The following MTCL2 variants were observed in gnomAD, a reference collection of about 807,000 sequenced individuals.
MTCL2 encodes microtubule cross-linking factor 2.
chr20:36,808,427 G>T, the MTCL2 span: 2 of 1,102,488 alleles, frequency 1.8e-6, no homozygotes, highest in Non-Finnish European at 1.3e-6. Context: ...GAGCCTAGGA[G>T]TTGTGTCAAT....
At chr20:36,792,372 GGTGGCA>G in the MTCL2 span, among the ~76,000 whole-genome samples, 1 of 152,150 alleles carries the variant, frequency 6.6e-6, no homozygotes, top group Non-Finnish European at 1.5e-5. Flanking sequence ...AGCCGGGCAT[GGTGGCA>G]GGTGCCTTAA....
the MTCL2 span, among the ~76,000 whole-genome samples, chr20:36,851,130 C>T: frequency 6.6e-6 from 1 of 151,918 alleles, no homozygotes; most frequent in African/African-American, 2.4e-5. Context: ...GTGGTGGTGG[C>T]TACAGAACTG....
the MTCL2 span, among the ~76,000 whole-genome samples, chr20:36,818,160 T>C: frequency 6.6e-6 from 1 of 152,234 alleles, no homozygotes; most frequent in Non-Finnish European, 1.5e-5. Flanking sequence ...TGTGGTGTTG[T>C]TCCCAAGGAG....
At chr20:36,799,751 A>ATAACAC in the MTCL2 span, among the ~76,000 whole-genome samples, 2 of 152,102 alleles carry the variant, frequency 1.3e-5, no homozygotes, top group African/African-American at 4.8e-5. Context: ...AAGGAGGGAA[A>ATAACAC]TAACACTAAC....
At chr20:36,846,882 T>C in the MTCL2 span, among the ~76,000 whole-genome samples, 2 of 152,138 alleles carry the variant, frequency 1.3e-5, no homozygotes, top group Non-Finnish European at 2.9e-5. Context: ...TGGTGGCGTG[T>C]GCCTGTAATC....
the MTCL2 span, among the ~76,000 whole-genome samples, chr20:36,846,908 G>A: frequency 6.6e-6 from 1 of 152,186 alleles, no homozygotes; most frequent in Non-Finnish European, 1.5e-5. Context: ...TACTCGGGAG[G>A]CTGAGGCAGG....
the MTCL2 span, among the ~76,000 whole-genome samples, chr20:36,788,560 C>T: frequency 1.6e-4 from 25 of 152,154 alleles, no homozygotes; most frequent in Non-Finnish European, 3.5e-4. Context: ...ATGGCGTGAA[C>T]CTGGGAGGCG....
the MTCL2 span, among the ~76,000 whole-genome samples, chr20:36,840,708 T>C: frequency 1.3e-5 from 2 of 151,544 alleles, no homozygotes; most frequent in Non-Finnish European, 2.9e-5. Context: ...TAGCTGGGCA[T>C]GGTGGCGGGT....
the MTCL2 span, chr20:36,786,025 A>G: frequency 1.0e-6 from 1 of 986,334 alleles, no homozygotes; most frequent in Non-Finnish European, 1.2e-6. Context: ...CCTAGAGCAA[A>G]GCCTGTTCTT....
the MTCL2 span, among the ~76,000 whole-genome samples, chr20:36,810,706 T>TTCTCTCTCTCCCTCTC: frequency 3.3e-5 from 2 of 60,998 alleles, no homozygotes; most frequent in Admixed American, 1.5e-4. Flanking sequence ...CCTCCCCTCC[T>TTCTCTCTCTCCCTCTC]TCTCTCTCTC....
the MTCL2 span, among the ~76,000 whole-genome samples, chr20:36,841,155 CAAAAAAAAAAAA>C: frequency 3.7e-4 from 15 of 40,352 alleles, no homozygotes; most frequent in East Asian, 4.2e-3. Context: ...ACTAAAAATA[CAAAAAAAAAAAA>C]AAAAAAAAAA....
At chr20:36,795,485 A>C in the MTCL2 span, among the ~76,000 whole-genome samples, 1 of 151,930 alleles carries the variant, frequency 6.6e-6, no homozygotes, top group African/African-American at 2.4e-5. Context: ...TGCCTGTGGG[A>C]TCATACTTGG....
chr20:36,793,696 G>A, the MTCL2 span: 4 of 1,548,574 alleles, frequency 2.6e-6, no homozygotes, highest in Non-Finnish European at 3.5e-6. This position sits in a 1 kb window ranked among gnomAD's most constrained non-coding sequence, Gnocchi z 6.8. Context: ...CCTGGTGCAG[G>A]TTCCACAGGC....
chr20:36,853,393 T>C, the MTCL2 span, among the ~76,000 whole-genome samples: 2 of 152,182 alleles, frequency 1.3e-5, no homozygotes, highest in African/African-American at 4.8e-5. Flanking sequence ...CAGCCAGGAT[T>C]CAGGTCCAGT....
At chr20:36,815,822 C>A in the MTCL2 span, 1 of 1,595,456 alleles carries the variant, frequency 6.3e-7, no homozygotes. This position sits in a 1 kb window ranked among gnomAD's most constrained non-coding sequence, Gnocchi z 5.3. Context: ...GCTCGTTCAG[C>A]AGCAGCTTGT....
the MTCL2 span, among the ~76,000 whole-genome samples, chr20:36,792,849 TAGATAGATAGAC>T: frequency 2.0e-4 from 30 of 146,618 alleles, no homozygotes; most frequent in Non-Finnish European, 3.0e-4. Flanking sequence ...GATAGATAGA[TAGATAGATAGAC>T]AGACAGACAG....
chr20:36,823,704 A>G, the MTCL2 span, among the ~76,000 whole-genome samples: 2 of 152,150 alleles, frequency 1.3e-5, no homozygotes, highest in Non-Finnish European at 2.9e-5. Flanking sequence ...ACAACTTGGG[A>G]TGCTGAGGCA....
chr20:36,794,725 T>A, the MTCL2 span: 3 of 1,253,556 alleles, frequency 2.4e-6, no homozygotes, highest in Non-Finnish European at 3.4e-6. This position sits in a 1 kb window ranked among gnomAD's most constrained non-coding sequence, Gnocchi z 5.4. Flanking sequence ...TCACCTCTTG[T>A]AGAGATGTTG....
chr20:36,859,882 AAC>A, the MTCL2 span: 1 of 1,231,412 alleles, frequency 8.1e-7, no homozygotes, highest in Non-Finnish European at 1.0e-6. Flanking sequence ...TCAAGAGTCT[AAC>A]ACATGCTTAC....
Sources: allele counts gnomAD v4.1 joint callset (sites outside exome capture counted in the v4.1 genomes callset), GRCh38; gene constraint gnomAD v4.1.1; non-coding constraint Gnocchi (gnomAD v3.1); transcripts MANE v1.5; gene names NCBI Gene and HGNC (gene_info 2026-07-23, HGNC 2026-07-21).